The following KDM7A variants were observed in gnomAD, a reference collection of about 807,000 sequenced individuals.
KDM7A encodes the protein lysine demethylase 7A.
Under a neutral mutation model 114.8 loss-of-function variants are expected in KDM7A, and 28 were observed. That is an observed-to-expected ratio of 0.24 (90% confidence interval 0.18 to 0.33). KDM7A has a LOEUF of 0.33. KDM7A is among the 10% of genes least tolerant of loss of function. The pLI is 1.00. For missense variants in KDM7A, 942 were observed against 1,142.5 expected, an observed-to-expected ratio of 0.82 and a Z score of 2.53; for synonymous variants, 423 against 397.8, an observed-to-expected ratio of 1.06 and a Z score of -0.75.
intron 1 of KDM7A, among the ~76,000 whole-genome samples, chr7:140,166,335 C>CTTTTTTTT (rs746518929): frequency 7.8e-6 from 1 of 128,668 alleles, no homozygotes; most frequent in Non-Finnish European, 1.7e-5. Context: ...CTTTTTTTTC[C>CTTTTTTTT]TTTTTTTTTT....
intron 2 of KDM7A, among the ~76,000 whole-genome samples, chr7:140,138,200 C>T (rs1818899810): frequency 6.6e-6 from 1 of 151,874 alleles, no homozygotes; most frequent in Non-Finnish European, 1.5e-5. Flanking sequence ...CCCAGCTACT[C>T]CAGAGGTTGA....
chr7:140,164,852 T>C (rs1220198867), intron 1 of KDM7A, among the ~76,000 whole-genome samples: 1 of 152,234 alleles, frequency 6.6e-6, no homozygotes, highest in East Asian at 1.9e-4. Context: ...AGCAGGCTTA[T>C]TGAACCTGGA....
intron 17 of KDM7A, chr7:140,095,634 T>C: frequency 3.5e-6 from 1 of 286,222 alleles, no homozygotes; most frequent in South Asian, 2.8e-5. Flanking sequence ...TCTCAGCACT[T>C]TGGGAAGCAG....
intron 18 of KDM7A, 117 bp from the exon 19 acceptor site, chr7:140,092,194 T>G (rs1818031050): frequency 1.0e-6 from 1 of 965,348 alleles, no homozygotes; most frequent in Admixed American, 2.4e-5. Flanking sequence ...ATTCTGATTT[T>G]CTTAACATCT....
intron 7 of KDM7A, among the ~76,000 whole-genome samples, chr7:140,121,211 T>C (rs765791332): frequency 1.3e-5 from 2 of 152,236 alleles, no homozygotes; most frequent in Non-Finnish European, 2.9e-5. Context: ...AATGATATTT[T>C]GTATTCCCAT....
At chr7:140,107,266 T>C (rs930366207) in intron 11 of KDM7A, among the ~76,000 whole-genome samples, 11 of 152,250 alleles carry the variant, frequency 7.2e-5, no homozygotes, top group Non-Finnish European at 2.9e-5. Context: ...ATTTAGCCCA[T>C]CTACATTTAA....
At chr7:140,106,880 G>C (rs1818346136) in intron 11 of KDM7A, among the ~76,000 whole-genome samples, 1 of 152,174 alleles carries the variant, frequency 6.6e-6, no homozygotes, top group African/African-American at 2.4e-5. Context: ...AATGTTGACA[G>C]TGGGGTGTTG....
chr7:140,102,671 C>T (rs1818252554), intron 11 of KDM7A, among the ~76,000 whole-genome samples: 2 of 152,356 alleles, frequency 1.3e-5, no homozygotes, highest in South Asian at 2.1e-4. Flanking sequence ...AGCCACTGCA[C>T]TGGGCCTTGA....
intron 9 of KDM7A, among the ~76,000 whole-genome samples, chr7:140,118,580 A>ATTT (rs34658145): frequency 2.2e-5 from 3 of 137,896 alleles, no homozygotes; most frequent in Non-Finnish European, 3.2e-5. Flanking sequence ...TAATTTTTGT[A>ATTT]TTTTTTTTTT....
chr7:140,146,540 T>C (rs998785634), intron 1 of KDM7A, among the ~76,000 whole-genome samples: 1 of 152,250 alleles, frequency 6.6e-6, no homozygotes, highest in Non-Finnish European at 1.5e-5. Flanking sequence ...TAACCTTCTT[T>C]AGTCTCTTCC....
chr7:140,151,680 T>C (rs1250374811), intron 1 of KDM7A, among the ~76,000 whole-genome samples: 2 of 152,224 alleles, frequency 1.3e-5, no homozygotes, highest in East Asian at 3.9e-4. Context: ...GTATATATTA[T>C]GCCCATTTAC....
intron 1 of KDM7A, among the ~76,000 whole-genome samples, chr7:140,152,911 G>A (rs970226068): frequency 1.3e-5 from 2 of 151,958 alleles, no homozygotes; most frequent in Non-Finnish European, 2.9e-5. Flanking sequence ...CCAGGCTGGA[G>A]TGCAATGGCA....
rs1485373562 is a variant in KDM7A at position 140,176,124 on chromosome 7, C to A, written c.194+620G>T. The stretch of plus-strand genomic sequence containing the variant: ...CTGTTGCTCTGTTTACTCCGCGGAG[C>A]CCCGCCGAGCTGGCTGGCGCGGTCG... On this transcript the variant is annotated intron_variant, in intron 1 of 19. Transcript: ENST00000397560. The surrounding 1 kb of genome is among the most constrained non-coding windows in gnomAD (Gnocchi z 4.4). Among the ~76,000 whole-genome samples the A allele has an allele frequency of 6.6e-6, 1 of 151,902 alleles. No individual in the cohort carries two copies. The highest frequency in any genetic ancestry group is 1.5e-5 in the Non-Finnish European group (1 of 67,936).
intron 8 of KDM7A, among the ~76,000 whole-genome samples, chr7:140,119,520 A>C (rs1187940870): frequency 1.3e-5 from 2 of 152,212 alleles, no homozygotes; most frequent in Non-Finnish European, 1.5e-5. Flanking sequence ...TACTACAATA[A>C]ATAAAACTGT....
chr7:140,111,660 T>A (rs1818433936), intron 10 of KDM7A, among the ~76,000 whole-genome samples: 1 of 152,092 alleles, frequency 6.6e-6, no homozygotes, highest in East Asian at 1.9e-4. Context: ...AAAGATCCCA[T>A]CAATAGGAAA....
intron 1 of KDM7A, among the ~76,000 whole-genome samples, chr7:140,148,987 T>G (rs546443139): frequency 6.6e-6 from 1 of 152,278 alleles, no homozygotes; most frequent in South Asian, 2.1e-4. Flanking sequence ...CACAATCATC[T>G]CTTAAGGTTC....
At chr7:140,175,344 TGTA>T (rs1255929001) in intron 1 of KDM7A, among the ~76,000 whole-genome samples, 1 of 152,116 alleles carries the variant, frequency 6.6e-6, no homozygotes, top group Non-Finnish European at 1.5e-5. Flanking sequence ...GGCCTGGTCT[TGTA>T]GTGTTTCTGT....
chr7:140,170,442 G>C (rs1794626434), intron 1 of KDM7A, among the ~76,000 whole-genome samples: 1 of 152,232 alleles, frequency 6.6e-6, no homozygotes. Context: ...AGCCAAGGAG[G>C]AAGAGGAGAC....
chr7:140,104,068 T>G (rs960247371), intron 11 of KDM7A, among the ~76,000 whole-genome samples: 24 of 152,244 alleles, frequency 1.6e-4, no homozygotes, highest in Admixed American at 1.6e-3. Context: ...CCAGTGATGA[T>G]GAGCATTTTT....
Sources: allele counts gnomAD v4.1 joint callset (sites outside exome capture counted in the v4.1 genomes callset), GRCh38; gene constraint gnomAD v4.1.1; non-coding constraint Gnocchi (gnomAD v3.1); transcripts MANE v1.5; gene names NCBI Gene and HGNC (gene_info 2026-07-23, HGNC 2026-07-21).